Variants in ITGB3BP observed in about 807,000 individuals in gnomAD.
The protein encoded by ITGB3BP is integrin subunit beta 3 binding protein.
A neutral mutation model predicts 29.1 loss-of-function variants in ITGB3BP; 27 were observed. The observed-to-expected ratio is 0.93, with a 90% CI of 0.68 to 1.28. The LOEUF (loss-of-function observed/expected upper bound fraction) is 1.28, where lower values mean the gene tolerates loss of function less well. Ranked by LOEUF, ITGB3BP falls within the 50% of genes most tolerant of loss-of-function variation. The pLI, the probability that ITGB3BP is intolerant of heterozygous loss-of-function variation, is 0.00. For missense variants in ITGB3BP, 192 were observed against 200.2 expected (o/e 0.96, Z 0.25); for synonymous variants, 61 against 61.4 (o/e 0.99, Z 0.03).
chr1:63,500,473 T>A (rs531399262), intron 2 of ITGB3BP, among the ~76,000 whole-genome samples: 20 of 152,338 alleles, frequency 1.3e-4, no homozygotes, highest in African/African-American at 4.8e-4. Context: ...AAATCAGTTG[T>A]ATTTCTATAC....
intron 2 of ITGB3BP, among the ~76,000 whole-genome samples, chr1:63,493,088 A>ACACACACACACACG (rs372348238): frequency 6.3e-4 from 94 of 148,844 alleles, no homozygotes; most frequent in African/African-American, 2.4e-3. Context: ...ACACACACAC[A>ACACACACACACACG]CGCGCGCGCG....
chr1:63,503,979 T>C (rs994218163), intron 2 of ITGB3BP, among the ~76,000 whole-genome samples: 8 of 151,914 alleles, frequency 5.3e-5, no homozygotes, highest in Non-Finnish European at 1.2e-4. Flanking sequence ...TGGCTTAGGA[T>C]TGACTTGGCG....
intron 2 of ITGB3BP, among the ~76,000 whole-genome samples, chr1:63,496,246 C>T (rs1645785671): frequency 6.6e-6 from 1 of 152,024 alleles, no homozygotes; most frequent in South Asian, 2.1e-4. Flanking sequence ...GTGCGCACCA[C>T]CATGCCTGGC....
chr1:63,459,201 C>T (rs1041719869), intron 4 of ITGB3BP, among the ~76,000 whole-genome samples: 1 of 152,118 alleles, frequency 6.6e-6, no homozygotes, highest in African/African-American at 2.4e-5. Flanking sequence ...CAAATTTCTG[C>T]TCAACATGAC....
intron 3 of ITGB3BP, among the ~76,000 whole-genome samples, chr1:63,484,149 C>T (rs1645486195): frequency 6.6e-6 from 1 of 152,122 alleles, no homozygotes; most frequent in Admixed American, 6.5e-5. Context: ...CATATACAGA[C>T]TTTTCCTTGT....
chr1:63,517,957 A>G (rs1646370576), intron 1 of ITGB3BP, among the ~76,000 whole-genome samples: 1 of 152,138 alleles, frequency 6.6e-6, no homozygotes, highest in Non-Finnish European at 1.5e-5. Flanking sequence ...TACTGGGCTC[A>G]AGCAATCTGC....
chr1:63,524,268 G>A (rs1490688927), upstream of ITGB3BP, among the ~76,000 whole-genome samples: 1 of 152,154 alleles, frequency 6.6e-6, no homozygotes, highest in Non-Finnish European at 1.5e-5. Context: ...ACATTTGTGA[G>A]GAGATGCATG....
At chr1:63,474,898 A>T (rs867143816) in intron 4 of ITGB3BP, among the ~76,000 whole-genome samples, 2,499 of 79,150 alleles carry the variant, frequency 0.032, 73 homozygotes, top group African/African-American at 0.079. Context: ...ATAAAAAAAA[A>T]AAATAAATAA....
chr1:63,465,572 T>A lies in ITGB3BP; in HGVS notation c.255-10604A>T, dbSNP rs537009370. Among the ~76,000 whole-genome samples, 753 of 151,852 alleles carry A rather than the reference T, an allele frequency of 5.0e-3. 8 individuals are homozygous for A. The highest frequency in any genetic ancestry group is 0.017 in the African/African-American group (696 of 41,436). ...CAGGCTTGCTAATTAAAAAAAAAAA[T>A]TTTGTAGAGATGGGATCTCCCTATG... On this transcript the variant is annotated intron_variant, in intron 4 of 8. Coordinates refer to ENST00000271002, the MANE Select transcript of ITGB3BP (RefSeq NM_014288.5).
Position 63,518,650 on chromosome 1 carries a change from TA to T in ITGB3BP, c.5+4478del, listed in dbSNP as rs575052602. Reference sequence around the variant, plus strand: ...GACAGTAAAGAGTTAGGACTTGCTTTAAAAAAAAATCTAGCCTTATAATATT... The same window carrying T: ...GACAGTAAAGAGTTAGGACTTGCTTTAAAAAAAATCTAGCCTTATAATATT... On this transcript the variant is annotated intron_variant, in intron 1 of 8. Coordinates refer to ENST00000271002, the MANE Select transcript of ITGB3BP (RefSeq NM_014288.5). 4.6e-3 allele frequency among the ~76,000 whole-genome samples: 697 copies of T among 151,174 alleles called. 4 individuals are homozygous for T. The highest frequency in any genetic ancestry group is 0.016 in the African/African-American group (658 of 41,284).
chr1:63,522,466 G>A (rs986140232), intron 1 of ITGB3BP, among the ~76,000 whole-genome samples: 3 of 152,106 alleles, frequency 2.0e-5, no homozygotes, highest in Admixed American at 2.0e-4. Context: ...GCTTTTTTAA[G>A]TTTCTATAGG....
At chr1:63,478,859 A>C in intron 3 of ITGB3BP, 26 bp from the exon 4 acceptor site, 2 of 827,242 alleles carry the variant, frequency 2.4e-6, no homozygotes, top group Non-Finnish European at 3.7e-6. Flanking sequence ...AAAGAAAAGG[A>C]CATAAAGTTA....
intron 1 of ITGB3BP, among the ~76,000 whole-genome samples, chr1:63,522,784 G>A (rs1390081286): frequency 6.6e-6 from 1 of 152,190 alleles, no homozygotes; most frequent in African/African-American, 2.4e-5. Context: ...ATGAAGGCAA[G>A]GGACTGACAA....
intron 2 of ITGB3BP, among the ~76,000 whole-genome samples, chr1:63,496,175 G>A (rs559474865): frequency 6.0e-5 from 9 of 151,082 alleles, no homozygotes; most frequent in East Asian, 5.9e-4. Context: ...TCACTGCAAC[G>A]TCCGCCTCCT....
At chr1:63,512,406 A>G (rs12023862) in intron 1 of ITGB3BP, among the ~76,000 whole-genome samples, 59,582 of 151,194 alleles carry the variant, frequency 0.39, 13,448 homozygotes, top group Non-Finnish European at 0.52. Flanking sequence ...TTATTCTAGG[A>G]AAAAAAAACC....
chr1:63,528,551 T>C (rs1256057577), intron 2 of ITGB3BP, among the ~76,000 whole-genome samples: 1 of 152,114 alleles, frequency 6.6e-6, no homozygotes, highest in Non-Finnish European at 1.5e-5. Context: ...TAAGTGTACA[T>C]TTTAAAATAA....
chr1:63,474,561 T>C, intron 4 of ITGB3BP, among the ~76,000 whole-genome samples: 1 of 150,494 alleles, frequency 6.6e-6, no homozygotes. Flanking sequence ...AGAAAAATTC[T>C]TCTGCCTTGG....
At chr1:63,453,688 T>C (rs1644892149) in intron 7 of ITGB3BP, 1 of 344,792 alleles carries the variant, frequency 2.9e-6, no homozygotes, top group South Asian at 8.2e-5. Flanking sequence ...TCAAAAGACA[T>C]TTAAAAAGTT....
upstream of ITGB3BP, chr1:63,525,871 G>A (rs1646580303): frequency 1.4e-6 from 1 of 722,560 alleles, no homozygotes; most frequent in African/African-American, 1.9e-5. Flanking sequence ...TCTTAGTGAA[G>A]CTTGAGCAAT....
Sources: allele counts gnomAD v4.1 joint callset (sites outside exome capture counted in the v4.1 genomes callset), GRCh38; gene constraint gnomAD v4.1.1; transcripts MANE v1.5; gene names NCBI Gene and HGNC (gene_info 2026-07-23, HGNC 2026-07-21).